UROS: variants seen among roughly 807,000 people sequenced by gnomAD.
UROS encodes the protein uroporphyrinogen III synthase, also known as uroporphyrinogen-III synthase.
A neutral mutation model predicts 33.0 loss-of-function variants in UROS; 18 were observed. The ratio of observed to expected loss-of-function variants is 0.55; its 90% CI spans 0.38 to 0.81. The LOEUF (loss-of-function observed/expected upper bound fraction) is 0.81. UROS is among the 30% of genes least tolerant of loss of function. The probability of loss-of-function intolerance (pLI) is 0.00; values close to 1 mark genes in which losing one functional copy is unlikely to be tolerated. For missense variants in UROS, 293 were observed against 314.9 expected (o/e 0.93, Z 0.53); for synonymous variants, 114 against 121.1 (o/e 0.94, Z 0.38).
intron 1 of UROS, among the ~76,000 whole-genome samples, chr10:125,817,530 A>G (rs1307563831): frequency 1.3e-5 from 2 of 151,974 alleles, no homozygotes; most frequent in Non-Finnish European, 2.9e-5. Context: ...TGACTTAACC[A>G]TGGTGTGATC....
chr10:125,789,959 T>A (rs1850801934), intron 9 of UROS, among the ~76,000 whole-genome samples: 1 of 152,228 alleles, frequency 6.6e-6, no homozygotes, highest in African/African-American at 2.4e-5. Context: ...CCAAACCTGT[T>A]TGGGAGCAAG....
chr10:125,818,520 A>G (rs1853563646), intron 1 of UROS, among the ~76,000 whole-genome samples: 1 of 151,878 alleles, frequency 6.6e-6, no homozygotes, highest in Non-Finnish European at 1.5e-5. Flanking sequence ...TAATAATATA[A>G]AATTAAAAGG....
At chr10:125,795,470 G>A (rs1240445106) in intron 8 of UROS, among the ~76,000 whole-genome samples, 1 of 152,190 alleles carries the variant, frequency 6.6e-6, no homozygotes, top group Non-Finnish European at 1.5e-5. Flanking sequence ...GAGAGGAAAG[G>A]GAGGTGTTTT....
At chr10:125,799,926 T>A (rs1295355128) in intron 6 of UROS, among the ~76,000 whole-genome samples, 1 of 152,180 alleles carries the variant, frequency 6.6e-6, no homozygotes, top group Non-Finnish European at 1.5e-5. Flanking sequence ...GGGATTTATC[T>A]TCAGCCCCAA....
rs1230387157 is a variant in UROS at position 125,794,875 on chromosome 10, C to A, written c.660+5G>T. 3 of 1,604,496 alleles carry A rather than the reference C, an allele frequency of 1.9e-6. No individual in the cohort carries two copies. The Admixed American group carries it at 5.0e-5, about 27-fold the overall frequency. ...AAAAGACCAAAAGCTCATTGAATAACTTACCTTAATTTGATCGATATTGTC... is the reference window on the plus strand; with the variant it reads ...AAAAGACCAAAAGCTCATTGAATAAATTACCTTAATTTGATCGATATTGTC... On this transcript the variant is annotated splice_donor_5th_base_variant and intron_variant, in intron 9 of 9. Transcript: ENST00000368797.
chr10:125,816,602 A>G, intron 1 of UROS, 77 bp from the exon 2 acceptor site: 1 of 1,428,074 alleles, frequency 7.0e-7, no homozygotes, highest in African/African-American at 1.4e-5. Flanking sequence ...GGGACGGTAC[A>G]CAAGAAGAAG....
In UROS at chr10:125,788,885, G is replaced by C. The variant is rs148538627; in HGVS notation, c.781C>G (p.Pro261Ala). Residue 261 changes from proline (P) to alanine (A), a missense_variant, in exon 10 of 10, where the codon CCC becomes GCC. Transcript: ENST00000368797. ...TGGCTGACTCAGCAGCAGCCATGGG[G>C]CTGGAGAGCCTTCCTGATGCCAGTG... ...LATGIRKALQ[P>A]HGCC The C allele has an allele frequency of 1.6e-5, 25 of 1,595,028 alleles. No homozygotes were observed. The African/African-American group carries it at 2.4e-4, about 15-fold the overall frequency.
Position 125,812,287 on chromosome 10 carries a change from G to GACTT in UROS, c.245_246insAAGT (p.Trp83SerfsTer28), listed in dbSNP as rs1188499416. On this transcript the variant is annotated frameshift_variant and splice_region_variant, in exon 5 of 10. Coordinates refer to ENST00000368797, the MANE Select transcript of UROS (RefSeq NM_000375.3). LOFTEE classifies it high-confidence loss of function. ...ATTTTTCTTTCAGAGACCTTTCCCA[G>GACTT]ACTGTAAAACATGAAATGATATGTG... The GACTT allele has an allele frequency of 6.2e-7, 1 of 1,613,524 alleles. No homozygotes were observed. The highest frequency in any genetic ancestry group is 8.5e-7 in the Non-Finnish European group (1 of 1,179,852).
chr10:125,803,424 T>A (rs1407854308), intron 6 of UROS, among the ~76,000 whole-genome samples: 1 of 152,208 alleles, frequency 6.6e-6, no homozygotes, highest in Non-Finnish European at 1.5e-5. Context: ...AGACGGCTCC[T>A]TCAAGGCAAG....
downstream of UROS, chr10:125,788,528 C>T (rs533150444): frequency 1.7e-6 from 2 of 1,197,046 alleles, no homozygotes; most frequent in Admixed American, 4.0e-5. Flanking sequence ...ATACCTGTCT[C>T]CTCCCTGAAC....
At position 125,816,278 on chromosome 10, in the gene UROS, A is replaced by G; in HGVS notation, c.64-18T>C. The G allele has an allele frequency of 6.2e-7, 1 of 1,612,292 alleles. No homozygotes were observed. Among genetic ancestry groups the G allele is most frequent in the Non-Finnish European group, 8.5e-7 (1 of 1,178,320 alleles). ...CCTAATTCCTGAAATGAAAGAATAT[A>G]GTTCTGGATTGGCTAGGGCTGTTTT... is the stretch of plus-strand genomic sequence containing the variant. On this transcript the variant is annotated intron_variant, in intron 2 of 9. Transcript: ENST00000368797.
At chr10:125,797,962 C>T (rs974657885) in intron 7 of UROS, 103 bp downstream of exon 7, 32 of 1,383,194 alleles carry the variant, frequency 2.3e-5, no homozygotes, top group Non-Finnish European at 3.0e-5. Flanking sequence ...CCCAGCCCTG[C>T]TCTCCCTTGT....
chr10:125,812,294 A>G lies in UROS; in HGVS notation c.245-6T>C, dbSNP rs751238861. On this transcript the variant is annotated splice_polypyrimidine_tract_variant and splice_region_variant and intron_variant, in intron 4 of 9. Transcript: ENST00000368797. ...TTTCAGAGACCTTTCCCAGACTGTAAAACATGAAATGATATGTGAATTGCA... is the reference window on the plus strand; with the variant it reads ...TTTCAGAGACCTTTCCCAGACTGTAGAACATGAAATGATATGTGAATTGCA... 3.1e-6 allele frequency: 5 copies of G among 1,613,522 alleles called. No homozygotes were observed. The South Asian group carries it at 5.5e-5, about 18-fold the overall frequency.
chr10:125,802,686 C>G, intron 6 of UROS: 2 of 1,275,420 alleles, frequency 1.6e-6, no homozygotes, highest in Non-Finnish European at 2.0e-6. Context: ...AAATGTCTCA[C>G]AGTGCTGGCT....
At chr10:125,805,760 T>G (rs1852275100) in intron 6 of UROS, among the ~76,000 whole-genome samples, 1 of 152,152 alleles carries the variant, frequency 6.6e-6, no homozygotes, top group South Asian at 2.1e-4. Context: ...TGGTGAAGAT[T>G]AAATGACATC....
intron 5 of UROS, among the ~76,000 whole-genome samples, chr10:125,810,556 T>A (rs548283794): frequency 1.7e-4 from 26 of 152,224 alleles, no homozygotes; most frequent in African/African-American, 6.0e-4. Flanking sequence ...ACAGAAACAT[T>A]GAGATGATAA....
intron 5 of UROS, among the ~76,000 whole-genome samples, chr10:125,808,703 A>C (rs879843280): frequency 4.6e-5 from 7 of 152,234 alleles, no homozygotes; most frequent in Non-Finnish European, 1.0e-4. Context: ...CTCACACCAC[A>C]ACCCTGTGAA....
chr10:125,815,063 A>G lies in UROS; in HGVS notation c.215T>C (p.Leu72Ser). The change falls in exon 4 of 10, where the codon TTA (leucine) becomes TCA (serine). Residue 72 changes from leucine to serine, a missense_variant. Transcript: ENST00000368797. ...TSPRAVEAAE[L>S]CLEQNNKTEV... The stretch of plus-strand genomic sequence containing the variant: ...AGTTTTATTGTTTTGCTCCAAACAT[A>G]ACTCTGCTGCTTCCACTGCTCTGGG... 1.2e-6 allele frequency: 2 copies of G among 1,614,194 alleles called. No individual in the cohort carries two copies. Among genetic ancestry groups the G allele is most frequent in the South Asian group, 2.2e-5 (2 of 91,086 alleles).
chr10:125,799,808 TC>T (rs1851667708), intron 6 of UROS, among the ~76,000 whole-genome samples: 1 of 149,628 alleles, frequency 6.7e-6, no homozygotes, highest in African/African-American at 2.5e-5. Flanking sequence ...GGCTGAGTCC[TC>T]CTTTGCTGGT....
Sources: gnomAD v4.1 joint callset for allele counts (sites outside exome capture counted in the v4.1 genomes callset) on GRCh38, gnomAD v4.1.1 for gene constraint, MANE v1.5 for transcripts, NCBI Gene and HGNC (gene_info 2026-07-23, HGNC 2026-07-21) for gene names.